Variants in IQCM observed in about 807,000 individuals in gnomAD.
IQCM encodes IQ motif containing M, also known as IQ domain-containing protein M.
In IQCM, 45 loss-of-function variants were observed where a neutral mutation model predicts 57.6. The observed-to-expected ratio is 0.78, with a 90% CI of 0.62 to 1.00. The LOEUF (loss-of-function observed/expected upper bound fraction) is 1.00. Ranked by LOEUF, IQCM falls within the 50% of genes least tolerant of loss-of-function variation. IQCM has a pLI of 0.00. For missense variants in IQCM, 468 were observed against 511.6 expected (o/e 0.91, Z 0.82); for synonymous variants, 148 against 158.9 (o/e 0.93, Z 0.51).
intron 12 of IQCM, among the ~76,000 whole-genome samples, chr4:149,513,669 A>G (rs1302869538): frequency 1.3e-5 from 2 of 152,180 alleles, no homozygotes; most frequent in Non-Finnish European, 2.9e-5. Context: ...TGTTAATCAA[A>G]TATTTAATGA....
At chr4:149,375,844 G>A (rs1257879644) in intron 13 of IQCM, among the ~76,000 whole-genome samples, 30 of 152,012 alleles carry the variant, frequency 2.0e-4, no homozygotes, top group South Asian at 4.2e-4. Flanking sequence ...TTAATGAAAC[G>A]AACAAACGTC....
At chr4:149,406,505 G>C (rs1732989677) in intron 13 of IQCM, among the ~76,000 whole-genome samples, 1 of 152,132 alleles carries the variant, frequency 6.6e-6, no homozygotes, top group South Asian at 2.1e-4. Flanking sequence ...AGGAAGACCT[G>C]TATAGATAGA....
chr4:149,560,863 G>A (rs572711203), intron 10 of IQCM, among the ~76,000 whole-genome samples: 3 of 152,256 alleles, frequency 2.0e-5, no homozygotes, highest in South Asian at 2.1e-4. Flanking sequence ...GTCTCCCAGC[G>A]GAGGGACTGC....
chr4:149,659,429 C>T (rs910305961), intron 7 of IQCM, among the ~76,000 whole-genome samples: 27 of 152,032 alleles, frequency 1.8e-4, no homozygotes, highest in Admixed American at 9.2e-4. Context: ...AGATTCAATG[C>T]CATCTCCATC....
Position 149,621,247 on chromosome 4 carries a change from G to T in IQCM, c.566-3C>A. The T allele has an allele frequency of 1.6e-6, 2 of 1,212,980 alleles. No homozygotes were observed. The highest frequency in any genetic ancestry group is 2.1e-6 in the Non-Finnish European group (2 of 970,472). 75.1% of individuals were successfully genotyped at this position (1,212,980 alleles called of 1,614,324 possible). A position where few individuals can be genotyped will look rare whatever the true frequency, so the allele number is the denominator to read the frequency against. The stretch of plus-strand genomic sequence containing the variant: ...TCTCCAGTCATAGAATGCTTTGTCT[G>T]TTAGAAATATCAATGCAGGTTAAAA... On this transcript the variant is annotated splice_region_variant and splice_polypyrimidine_tract_variant and intron_variant, in intron 7 of 13. Transcript: ENST00000636793.
intron 12 of IQCM, among the ~76,000 whole-genome samples, chr4:149,546,267 A>G (rs980891727): frequency 2.0e-5 from 3 of 152,306 alleles, no homozygotes; most frequent in Non-Finnish European, 4.4e-5. Context: ...GAATAGTGCC[A>G]CAATAAACAT....
rs539426262 is a variant in IQCM at position 149,453,807 on chromosome 4, G to T, written c.1229-20250C>A. ...GTGCAACAACTTTGCATAAGAGTTTGTCGGTTCTTCAGTATGCTAAAGATA... is the reference window on the plus strand; with the variant it reads ...GTGCAACAACTTTGCATAAGAGTTTTTCGGTTCTTCAGTATGCTAAAGATA... On this transcript the variant is annotated intron_variant, in intron 12 of 13. Transcript: ENST00000636793. 7.2e-5 allele frequency among the ~76,000 whole-genome samples: 11 copies of T among 151,910 alleles called. No homozygotes were observed. The East Asian group carries it at 1.9e-3, about 27-fold the overall frequency.
intron 8 of IQCM, among the ~76,000 whole-genome samples, chr4:149,601,038 G>T (rs1754230974): frequency 6.6e-6 from 1 of 151,938 alleles, no homozygotes; most frequent in African/African-American, 2.4e-5. Flanking sequence ...TGCACTTCAG[G>T]TATTTATCAG....
Position 149,656,226 on chromosome 4 carries a change from ATTATT to A in IQCM, c.565+25887_565+25891del, listed in dbSNP as rs1000783995. ...ATTATATTAAAAATGAGTTTATTCT[ATTATT>A]TTATTATAAACATCTACACTTCAAT... is the stretch of plus-strand genomic sequence containing the variant. On this transcript the variant is annotated intron_variant, in intron 7 of 13. Transcript: ENST00000636793. 8.5e-5 allele frequency among the ~76,000 whole-genome samples: 13 copies of A among 152,240 alleles called. No homozygotes were observed. In the Middle Eastern group the frequency reaches 0.014, roughly 159 times the overall value.
chr4:149,484,705 T>C (rs1245768649), intron 12 of IQCM, among the ~76,000 whole-genome samples: 1 of 152,064 alleles, frequency 6.6e-6, no homozygotes, highest in Non-Finnish European at 1.5e-5. Flanking sequence ...TGGTTCATCA[T>C]TTGGTATTTC....
intron 12 of IQCM, among the ~76,000 whole-genome samples, chr4:149,443,565 CT>C (rs1156470648): frequency 6.6e-6 from 1 of 151,784 alleles, no homozygotes; most frequent in African/African-American, 2.4e-5. Flanking sequence ...CCTACAACCT[CT>C]TCTTGGAATA....
chr4:149,527,328 A>G (rs1746258784), intron 12 of IQCM, among the ~76,000 whole-genome samples: 1 of 152,128 alleles, frequency 6.6e-6, no homozygotes, highest in Admixed American at 6.5e-5. Flanking sequence ...CTTTCCCCAA[A>G]TTCATATGTT....
intron 12 of IQCM, among the ~76,000 whole-genome samples, chr4:149,471,891 T>G (rs998536299): frequency 6.6e-6 from 1 of 152,176 alleles, no homozygotes; most frequent in Non-Finnish European, 1.5e-5. Context: ...TCTCAATAGA[T>G]GCAGAAAAGG....
At chr4:149,607,638 C>T (rs572026004) in intron 8 of IQCM, among the ~76,000 whole-genome samples, 11 of 151,894 alleles carry the variant, frequency 7.2e-5, no homozygotes, top group African/African-American at 2.4e-4. Flanking sequence ...AAATAGGAAG[C>T]ATGAGGTTAA....
chr4:149,370,356 G>T (rs1009368200), intron 13 of IQCM, among the ~76,000 whole-genome samples: 1 of 152,000 alleles, frequency 6.6e-6, no homozygotes, highest in Non-Finnish European at 1.5e-5. Context: ...CTACCTTCAA[G>T]GATTAGTATA....
At position 149,464,094 on chromosome 4, in the gene IQCM, C is replaced by G. The variant is rs571810726; in HGVS notation, c.1229-30537G>C. Among the ~76,000 whole-genome samples, 4 of 152,226 alleles carry G rather than the reference C, an allele frequency of 2.6e-5. No individual in the cohort carries two copies. In the East Asian group the frequency reaches 7.7e-4, roughly 29 times the overall value. ...AATTATAAAGCTTTGTGGTATCCAT[C>G]TTTTTCCTCTTACTGTATATGTAAT... is the stretch of plus-strand genomic sequence containing the variant. On this transcript the variant is annotated intron_variant, in intron 12 of 13. Transcript: ENST00000636793.
intron 12 of IQCM, among the ~76,000 whole-genome samples, chr4:149,443,400 C>T (rs1196628582): frequency 1.3e-5 from 2 of 151,986 alleles, no homozygotes; most frequent in Non-Finnish European, 2.9e-5. Context: ...ATCCAAATCA[C>T]TTCCAACAGG....
intron 4 of IQCM, among the ~76,000 whole-genome samples, chr4:149,733,835 TAGG>T (rs1425703328): frequency 6.6e-6 from 1 of 152,104 alleles, no homozygotes; most frequent in Non-Finnish European, 1.5e-5. Flanking sequence ...TACTGTAAAA[TAGG>T]AGTTTTTCAA....
chr4:149,723,754 G>A (rs548250351), intron 5 of IQCM, among the ~76,000 whole-genome samples: 1 of 151,880 alleles, frequency 6.6e-6, no homozygotes, highest in African/African-American at 2.4e-5. Flanking sequence ...TTTTGTTGTT[G>A]TTGTTATTTC....
Sources: gnomAD v4.1 joint callset for allele counts (sites outside exome capture counted in the v4.1 genomes callset) on GRCh38, gnomAD v4.1.1 for gene constraint, MANE v1.5 for transcripts, NCBI Gene and HGNC (gene_info 2026-07-23, HGNC 2026-07-21) for gene names.